Variants in PLCG2 observed in about 807,000 individuals in gnomAD.
PLCG2 encodes the protein phospholipase C gamma 2.
A neutral mutation model predicts 175.6 loss-of-function variants in PLCG2; 69 were observed. That is an observed-to-expected ratio of 0.39 (90% CI 0.32 to 0.48). The LOEUF (loss-of-function observed/expected upper bound fraction) is 0.48, where lower values mean the gene tolerates loss of function less well. Among genes scored for constraint, PLCG2 ranks in the 20% least tolerant of loss-of-function variants. The pLI, the probability that PLCG2 is intolerant of heterozygous loss-of-function variation, is 0.91. For missense variants in PLCG2, 1,798 were observed against 1,650.9 expected, an observed-to-expected ratio of 1.09 and a Z score of -1.54; for synonymous variants, 827 against 624.0, an observed-to-expected ratio of 1.33 and a Z score of -4.85.
Position 81,786,155 on chromosome 16 carries a change from A to C in PLCG2, c.166A>C (p.Lys56Gln). 1 of 1,614,160 alleles carries C rather than the reference A, an allele frequency of 6.2e-7. No homozygotes were observed. The highest frequency in any genetic ancestry group is 8.5e-7 in the Non-Finnish European group (1 of 1,180,012). Residue 56 changes from lysine to glutamine, a missense_variant, in exon 2 of 33, where the codon AAG becomes CAG. Transcript: ENST00000564138. The stretch of plus-strand genomic sequence containing the variant: ...GGAGACGCGGCAGGTGGCCTGGAGC[A>C]AGACCGCTGACAAGATCGAGGGCTT... ...IMETRQVAWSKTADKIEGFLD... is the reference protein window; with the variant it reads ...IMETRQVAWSQTADKIEGFLD...
intron 21 of PLCG2, among the ~76,000 whole-genome samples, chr16:81,923,218 C>T (rs1910127739): frequency 6.8e-6 from 1 of 148,058 alleles, no homozygotes; most frequent in Admixed American, 6.7e-5. Context: ...AAACCCTAGC[C>T]CCAAACCCTA....
chr16:81,834,443 C>T (rs554394342), intron 2 of PLCG2, among the ~76,000 whole-genome samples: 3 of 152,144 alleles, frequency 2.0e-5, no homozygotes, highest in Non-Finnish European at 4.4e-5. Context: ...GACTCAGACC[C>T]CAGCTTGCCC....
chr16:81,878,580 C>T (rs140033248), intron 7 of PLCG2, among the ~76,000 whole-genome samples: 8 of 152,286 alleles, frequency 5.3e-5, no homozygotes, highest in Admixed American at 2.0e-4. Context: ...GAGCTGTCTA[C>T]GCTTCCCTTC....
Position 81,825,586 on chromosome 16 carries a change from C to T in PLCG2, c.194-28858C>T, listed in dbSNP as rs115196202. Among the ~76,000 whole-genome samples the T allele has an allele frequency of 3.7e-3, 556 of 152,228 alleles. 7 individuals carry two copies. The East Asian group carries it at 0.037, about 10-fold the overall frequency. On this transcript the variant is annotated intron_variant, in intron 2 of 32. Transcript: ENST00000564138. ...CTGGGATTATAGGCGTGAGCCACCG[C>T]GCCCAGCCCGAGATGCTCTAATCTT...
chr16:81,870,674 A>G (rs1240522576), intron 6 of PLCG2, among the ~76,000 whole-genome samples, 178 bp from the exon 7 acceptor site: 3 of 152,242 alleles, frequency 2.0e-5, no homozygotes, highest in Non-Finnish European at 4.4e-5. Flanking sequence ...CATGTTAAAT[A>G]GCATGACTTT....
chr16:81,772,719 G>A (rs4889380), intron 2 of PLCG2, among the ~76,000 whole-genome samples: 1,586 of 151,962 alleles, frequency 0.01, 56 homozygotes, highest in Admixed American at 0.074. Context: ...TCGGGAGGCT[G>A]AGGCAGGATA....
intron 12 of PLCG2, among the ~76,000 whole-genome samples, chr16:81,894,969 A>G (rs1471129494): frequency 6.6e-6 from 1 of 152,256 alleles, no homozygotes; most frequent in Non-Finnish European, 1.5e-5. Flanking sequence ...CATGGAAGCA[A>G]CGTTTTGTAG....
In PLCG2 at chr16:81,891,455, G is replaced by A. The variant is rs774226038; in HGVS notation, c.868-17G>A. ...CCGTCAACGTGATGATTCGGTCTTC[G>A]TGTTTGACTCTTTTAGTTCCTCACG... is the stretch of plus-strand genomic sequence containing the variant. On this transcript the variant is annotated splice_polypyrimidine_tract_variant and intron_variant, in intron 10 of 32. Transcript: ENST00000564138. The A allele has an allele frequency of 2.2e-5, 30 of 1,337,936 alleles. No homozygotes were observed. In the Admixed American group the frequency reaches 2.3e-4, roughly 10 times the overall value. The allele number at this position is 1,337,936 out of a possible 1,614,324, so 82.9% of individuals were successfully genotyped here. A position where few individuals can be genotyped will look rare whatever the true frequency, so the allele number is the denominator to read the frequency against.
At chr16:81,804,668 G>T (rs1280292671) in intron 2 of PLCG2, among the ~76,000 whole-genome samples, 2 of 152,198 alleles carry the variant, frequency 1.3e-5, no homozygotes, top group Non-Finnish European at 2.9e-5. Context: ...ATCATTTCAA[G>T]GTTTAACGCC....
chr16:81,926,824 G>C (rs904721126), intron 22 of PLCG2, among the ~76,000 whole-genome samples: 2 of 152,188 alleles, frequency 1.3e-5, no homozygotes, highest in African/African-American at 4.8e-5. Context: ...GGAAACTTTT[G>C]ACTTGTGATC....
At chr16:81,897,935 C>T (rs775428248) in intron 13 of PLCG2, 6 of 449,524 alleles carry the variant, frequency 1.3e-5, no homozygotes, top group East Asian at 7.0e-5. Flanking sequence ...GACGTCTTTT[C>T]GCACTTGGTG....
At chr16:81,799,236 C>G (rs1355151766) in intron 2 of PLCG2, among the ~76,000 whole-genome samples, 1 of 152,116 alleles carries the variant, frequency 6.6e-6, no homozygotes, top group African/African-American at 2.4e-5. Flanking sequence ...CCCCGCCACC[C>G]CCCTACCCAG....
intron 2 of PLCG2, among the ~76,000 whole-genome samples, chr16:81,840,267 G>C (rs1470335443): frequency 1.3e-5 from 2 of 152,164 alleles, no homozygotes; most frequent in Non-Finnish European, 2.9e-5. Context: ...ACCCTGTCAT[G>C]GCCTGGGTGG....
rs963117904 is a variant in PLCG2, at chr16:81,919,632, G to A, written c.2203G>A (p.Val735Met). The A allele has an allele frequency of 5.7e-5, 92 of 1,613,880 alleles. No homozygotes were observed. Among genetic ancestry groups the A allele is most frequent in the Non-Finnish European group, 6.9e-5 (81 of 1,179,920 alleles). ...LYRKMRLRYPVTPELLERYNM... is the reference protein window; with the variant it reads ...LYRKMRLRYPMTPELLERYNM... ...CCGAAAGATGAGACTGCGCTACCCC[G>A]TGACCCCCGAGCTCCTGGAGCGCTA... The change falls in exon 20 of 33, where the codon GTG becomes ATG. Residue 735 changes from valine to methionine, a missense_variant. Physicochemically the swap from Val to Met is conservative, Grantham distance 21. Coordinates refer to ENST00000564138, the MANE Select transcript of PLCG2 (RefSeq NM_002661.5).
In PLCG2 at chr16:81,918,876, T is replaced by C. The variant is rs1035241083; in HGVS notation, c.2055-608T>C. Among the ~76,000 whole-genome samples the C allele has an allele frequency of 4.7e-5, 7 of 147,904 alleles. No individual in the cohort carries two copies. The South Asian group carries it at 1.3e-3, about 27-fold the overall frequency. ...TTTTCTGCTTCATGTTTCAAACAGA[T>C]GAAGGAATGAAAGACTTGTTTCTTT... is the stretch of plus-strand genomic sequence containing the variant. On this transcript the variant is annotated intron_variant, in intron 19 of 32. Coordinates refer to ENST00000564138, the MANE Select transcript of PLCG2 (RefSeq NM_002661.5).
intron 1 of PLCG2, among the ~76,000 whole-genome samples, chr16:81,782,751 A>C (rs1225419660): frequency 2.0e-5 from 3 of 152,266 alleles, no homozygotes; most frequent in Non-Finnish European, 2.9e-5. Flanking sequence ...AAAATCCCAC[A>C]AAACGATTCT....
intron 2 of PLCG2, chr16:81,798,732 A>G (rs953162633): frequency 6.6e-6 from 1 of 152,344 alleles, no homozygotes; most frequent in African/African-American, 2.4e-5. Flanking sequence ...TAGAATGGAA[A>G]CTAGCAAAAT....
At chr16:81,847,214 A>G (rs1334552824) in intron 2 of PLCG2, among the ~76,000 whole-genome samples, 1 of 152,222 alleles carries the variant, frequency 6.6e-6, no homozygotes, top group Non-Finnish European at 1.5e-5. Context: ...GATAAAGATG[A>G]TCAGCCTGAT....
intron 2 of PLCG2, among the ~76,000 whole-genome samples, chr16:81,826,825 C>G (rs1435375063): frequency 6.6e-6 from 1 of 152,216 alleles, no homozygotes; most frequent in Admixed American, 6.5e-5. Context: ...TAGTATGACT[C>G]TCAAGGCTGC....
Sources: gnomAD v4.1 joint callset for allele counts (sites outside exome capture counted in the v4.1 genomes callset) on GRCh38, gnomAD v4.1.1 for gene constraint, MANE v1.5 for transcripts, NCBI Gene and HGNC (gene_info 2026-07-23, HGNC 2026-07-21) for gene names.